Variants in FBXO11 observed in about 807,000 individuals in gnomAD.
FBXO11 encodes the protein F-box only protein 11.
FBXO11 carries 13 observed loss-of-function variants against 117.0 expected under a neutral mutation model. The observed-to-expected ratio is 0.11, with a 90% CI of 0.07 to 0.18. The LOEUF is 0.18. Ranked by LOEUF, FBXO11 falls within the 10% of genes least tolerant of loss-of-function variation. FBXO11 has a pLI of 1.00. For synonymous variants in FBXO11, 490 were observed against 380.5 expected (o/e 1.29, Z -3.35); for missense variants, 767 against 1,164.4 (o/e 0.66, Z 4.97).
chr2:47,904,576 GCGCAAA>G, intron 1 of FBXO11, among the ~76,000 whole-genome samples: 1 of 122,314 alleles, frequency 8.2e-6, no homozygotes, highest in Admixed American at 9.3e-5. Context: ...ACGCGCGCGC[GCGCAAA>G]CACACACACA....
chr2:47,836,353 T>G (rs1307011126), intron 4 of FBXO11, among the ~76,000 whole-genome samples: 1 of 152,192 alleles, frequency 6.6e-6, no homozygotes, highest in South Asian at 2.1e-4. Context: ...TGTAGTTGCA[T>G]ATGGAAATTA....
chr2:47,896,921 C>T (rs2104020560), intron 1 of FBXO11, among the ~76,000 whole-genome samples: 1 of 152,266 alleles, frequency 6.6e-6, no homozygotes, highest in East Asian at 1.9e-4. Context: ...CTCAACAAAT[C>T]TTCTTTGATA....
chr2:47,876,951 G>C (rs1272196795), intron 1 of FBXO11, among the ~76,000 whole-genome samples: 1 of 151,058 alleles, frequency 6.6e-6, no homozygotes, highest in African/African-American at 2.4e-5. Context: ...ACTACATTCT[G>C]GGTGAATTCC....
chr2:47,822,715 A>T (rs184712909), intron 12 of FBXO11, among the ~76,000 whole-genome samples: 123 of 152,320 alleles, frequency 8.1e-4, no homozygotes, highest in Non-Finnish European at 1.5e-3. Flanking sequence ...GACAGCTTGC[A>T]GTTTTTGACT....
intron 1 of FBXO11, among the ~76,000 whole-genome samples, chr2:47,855,816 G>C (rs548684480): frequency 6.7e-6 from 1 of 149,362 alleles, no homozygotes; most frequent in East Asian, 2.0e-4. Flanking sequence ...TGGGCAACAA[G>C]AGCGAAACTC....
At chr2:47,832,922 T>G (rs746493718) in intron 8 of FBXO11, 42 bp from the exon 9 acceptor site, 2 of 1,604,142 alleles carry the variant, frequency 1.2e-6, no homozygotes, top group South Asian at 2.2e-5. Context: ...AATTACTGCC[T>G]TTATGATTTC....
At chr2:47,825,876 C>T (rs1484236882) in intron 11 of FBXO11, among the ~76,000 whole-genome samples, 2 of 149,510 alleles carry the variant, frequency 1.3e-5, no homozygotes, top group Non-Finnish European at 3.0e-5. Context: ...CATGCCGGGC[C>T]GACAAATCTG....
chr2:47,821,775 ACT>A (rs1428283264), intron 13 of FBXO11, among the ~76,000 whole-genome samples: 1 of 151,980 alleles, frequency 6.6e-6, no homozygotes, highest in African/African-American at 2.4e-5. Flanking sequence ...ACAGAGTGAG[ACT>A]CTGTCTCAAA....
intron 1 of FBXO11, among the ~76,000 whole-genome samples, chr2:47,893,144 ACT>A (rs774748355): frequency 2.0e-5 from 3 of 151,928 alleles, no homozygotes; most frequent in Non-Finnish European, 4.4e-5. Context: ...ACACAGTGAT[ACT>A]CTGTCTCAAA....
intron 1 of FBXO11, among the ~76,000 whole-genome samples, chr2:47,903,655 T>A (rs568259478): frequency 2.2e-4 from 34 of 152,356 alleles, no homozygotes; most frequent in African/African-American, 7.7e-4. Context: ...ACTAAATTGT[T>A]TGACACGTTT....
chr2:47,809,554 C>T (rs369083837), intron 20 of FBXO11, 46 bp downstream of exon 20: 48 of 1,343,226 alleles, frequency 3.6e-5, no homozygotes, highest in Non-Finnish European at 5.0e-5. Context: ...GATTATCTTT[C>T]ATGGCATATT....
At position 47,826,093 on chromosome 2, in the gene FBXO11, T is replaced by C. The variant is rs190054577; in HGVS notation, c.1399-2733A>G. Among the ~76,000 whole-genome samples the C allele has an allele frequency of 1.6e-3, 241 of 152,246 alleles. 1 individual carries two copies. The highest frequency in any genetic ancestry group is 5.6e-3 in the African/African-American group (232 of 41,546). ...GTTTTTTTTGAGACGGAGTCTCACT[T>C]TGTCACCCAGGCTTGAGTGCAGTGG... On this transcript the variant is annotated intron_variant, in intron 11 of 22. Transcript: ENST00000403359.
At chr2:47,830,050 C>T (rs1672063996) in intron 11 of FBXO11, among the ~76,000 whole-genome samples, 1 of 152,054 alleles carries the variant, frequency 6.6e-6, no homozygotes, top group Non-Finnish European at 1.5e-5. Flanking sequence ...ACTCACACAA[C>T]ACTAAACAGA....
chr2:47,879,297 C>T (rs926758480), intron 1 of FBXO11, among the ~76,000 whole-genome samples: 6 of 152,172 alleles, frequency 3.9e-5, no homozygotes, highest in Admixed American at 3.9e-4. Flanking sequence ...GAAAACTCAA[C>T]CTGCTGGGTA....
At chr2:47,842,835 C>T (rs1023889824) in intron 1 of FBXO11, among the ~76,000 whole-genome samples, 1 of 149,364 alleles carries the variant, frequency 6.7e-6, no homozygotes, top group Non-Finnish European at 1.5e-5. Context: ...GGCTGGAATA[C>T]AGTGGCACAA....
chr2:47,872,449 C>A (rs1200837503), intron 1 of FBXO11, among the ~76,000 whole-genome samples: 1 of 152,146 alleles, frequency 6.6e-6, no homozygotes, highest in Admixed American at 6.6e-5. Flanking sequence ...TCAGCCTCCC[C>A]AGCAGCTGGG....
intron 1 of FBXO11, among the ~76,000 whole-genome samples, chr2:47,874,411 T>C (rs996740373): frequency 6.6e-5 from 10 of 152,098 alleles, no homozygotes; most frequent in African/African-American, 2.4e-4. Context: ...TTTTAGGTTA[T>C]TTTACAAATA....
chr2:47,871,772 A>T (rs1675643541), intron 1 of FBXO11, among the ~76,000 whole-genome samples: 2 of 152,198 alleles, frequency 1.3e-5, no homozygotes, highest in South Asian at 4.1e-4. Context: ...TACTATCATG[A>T]TGTCCCTTCA....
intron 1 of FBXO11, among the ~76,000 whole-genome samples, chr2:47,844,270 A>C (rs1185178566): frequency 1.3e-5 from 2 of 151,930 alleles, no homozygotes; most frequent in Non-Finnish European, 2.9e-5. Flanking sequence ...CTCACATTTT[A>C]TATTCTCTCT....
Sources: gnomAD v4.1 joint callset for allele counts (sites outside exome capture counted in the v4.1 genomes callset) on GRCh38, gnomAD v4.1.1 for gene constraint, MANE v1.5 for transcripts, NCBI Gene and HGNC (gene_info 2026-07-23, HGNC 2026-07-21) for gene names.